The following ITGA4 variants were observed in gnomAD, a reference collection of about 807,000 sequenced individuals.
The protein encoded by ITGA4 is integrin alpha-4.
In ITGA4, 63 loss-of-function variants were observed where a neutral mutation model predicts 133.6. That is an observed-to-expected ratio of 0.47 (90% CI 0.38 to 0.58). The LOEUF (loss-of-function observed/expected upper bound fraction) is 0.58, where lower values mean the gene tolerates loss of function less well. Among genes scored for constraint, ITGA4 ranks in the 20% least tolerant of loss-of-function variants. The pLI is 0.00. For missense variants in ITGA4, 1,076 were observed against 1,252.7 expected, an observed-to-expected ratio of 0.86 and a Z score of 2.13; for synonymous variants, 483 against 438.0, an observed-to-expected ratio of 1.10 and a Z score of -1.28.
intron 17 of ITGA4, among the ~76,000 whole-genome samples, chr2:181,514,692 GAGTGTTT>G (rs1686572647): frequency 1.3e-5 from 2 of 152,040 alleles, no homozygotes; most frequent in Non-Finnish European, 1.5e-5. Flanking sequence ...GCAAGTAAAG[GAGTGTTT>G]TCATTTTCTT....
At chr2:181,522,860 T>G (rs151002196) in intron 18 of ITGA4, among the ~76,000 whole-genome samples, 162 of 152,320 alleles carry the variant, frequency 1.1e-3, no homozygotes, top group African/African-American at 3.0e-3. Context: ...CTTGCAAAAG[T>G]AACAGTGGAA....
intron 10 of ITGA4, 187 bp downstream of exon 10, chr2:181,486,179 A>G (rs185343500): frequency 1.8e-5 from 11 of 608,906 alleles, no homozygotes; most frequent in African/African-American, 1.4e-4. Context: ...GATCTTTACC[A>G]CTGTTAATAA....
chr2:181,465,330 T>C (rs1193789322), intron 2 of ITGA4, among the ~76,000 whole-genome samples: 1 of 152,176 alleles, frequency 6.6e-6, no homozygotes. Context: ...GCCAGGATAA[T>C]ATGATACATT....
At chr2:181,517,138 GAT>G (rs1686622680) in intron 17 of ITGA4, among the ~76,000 whole-genome samples, 1 of 151,978 alleles carries the variant, frequency 6.6e-6, no homozygotes, top group Admixed American at 6.6e-5. Context: ...AGGAAAAAAA[GAT>G]AAAAATTGTA....
chr2:181,522,536 C>A (rs761438798), intron 18 of ITGA4, among the ~76,000 whole-genome samples, 195 bp downstream of exon 18: 1 of 152,152 alleles, frequency 6.6e-6, no homozygotes, highest in South Asian at 2.1e-4. Flanking sequence ...GCATCAGCCT[C>A]CTGTTTTCCA....
chr2:181,493,296 AT>A, intron 10 of ITGA4, 28 bp from the exon 11 acceptor site: 4 of 1,485,780 alleles, frequency 2.7e-6, no homozygotes, highest in Non-Finnish European at 3.7e-6. Context: ...TCAAGAATTT[AT>A]TTTTCCATTG....
At chr2:181,497,172 C>T (rs1485933848) in intron 14 of ITGA4, among the ~76,000 whole-genome samples, 1 of 152,226 alleles carries the variant, frequency 6.6e-6, no homozygotes, top group Admixed American at 6.5e-5. Context: ...GAAAGACACA[C>T]ATTGAGTAGA....
Position 181,509,773 on chromosome 2 carries a change from A to G in ITGA4, c.1811A>G (p.Gln604Arg), listed in dbSNP as rs1365040272. The change falls in exon 16 of 28, where the codon CAG (glutamine) becomes CGG (arginine). Residue 604 changes from glutamine to arginine, a missense_variant. Around this residue, in one of 4 missense-constraint regions of ITGA4, gnomAD observed 365 missense variants for 421.4 expected, o/e 0.87. Transcript: ENST00000397033. ...TTCCCACCACTTCAGCCAATTCTTC[A>G]GCAGAAGAAAGAAAAAGACATAATG... is the stretch of plus-strand genomic sequence containing the variant. The part of the protein sequence containing the change: ...EEFPPLQPIL[Q>R]QKKEKDIMKK... The G allele has an allele frequency of 1.2e-6, 2 of 1,610,248 alleles. No homozygotes were observed. Among genetic ancestry groups the G allele is most frequent in the East Asian group, 2.2e-5 (1 of 44,746 alleles).
intron 10 of ITGA4, among the ~76,000 whole-genome samples, chr2:181,490,063 G>C (rs775878036): frequency 6.6e-6 from 1 of 152,114 alleles, no homozygotes; most frequent in Non-Finnish European, 1.5e-5. Context: ...TGCATGCACC[G>C]GTAATTAGAT....
At chr2:181,534,012 C>A (rs896259045) in intron 25 of ITGA4, among the ~76,000 whole-genome samples, 16 of 152,072 alleles carry the variant, frequency 1.1e-4, no homozygotes, top group African/African-American at 3.6e-4. Flanking sequence ...GGTAACTTAC[C>A]TCTTTCTGTA....
intron 1 of ITGA4, 135 bp downstream of exon 1, chr2:181,457,986 CT>C: frequency 8.8e-7 from 1 of 1,130,860 alleles, no homozygotes; most frequent in South Asian, 1.6e-5. Flanking sequence ...AGCCAGCTCG[CT>C]GGAAATCTGC....
intron 4 of ITGA4, among the ~76,000 whole-genome samples, chr2:181,476,890 T>A (rs2105728471): frequency 6.6e-6 from 1 of 152,284 alleles, no homozygotes; most frequent in African/African-American, 2.4e-5. Context: ...TACCACATGT[T>A]CTCACTTATA....
intron 17 of ITGA4, among the ~76,000 whole-genome samples, chr2:181,517,444 G>A (rs1401240492): frequency 6.6e-6 from 1 of 152,036 alleles, no homozygotes. Flanking sequence ...CACTTATTAA[G>A]TTATGATTCT....
At chr2:181,496,743 C>A (rs879437390) in intron 14 of ITGA4, among the ~76,000 whole-genome samples, 1 of 152,084 alleles carries the variant, frequency 6.6e-6, no homozygotes, top group Non-Finnish European at 1.5e-5. Flanking sequence ...GTGAAATGAG[C>A]CTGTGGTAGG....
intron 14 of ITGA4, among the ~76,000 whole-genome samples, chr2:181,496,989 C>T (rs1686170335): frequency 6.6e-6 from 1 of 152,154 alleles, no homozygotes; most frequent in Admixed American, 6.5e-5. Context: ...AGCCTGGCAT[C>T]TCTACTTTAG....
chr2:181,477,285 G>A (rs1325782444), intron 4 of ITGA4, among the ~76,000 whole-genome samples: 1 of 151,936 alleles, frequency 6.6e-6, no homozygotes, highest in African/African-American at 2.4e-5. Context: ...TAAGAGAAAA[G>A]CTACTTGACA....
At chr2:181,497,063 G>A (rs998431627) in intron 14 of ITGA4, among the ~76,000 whole-genome samples, 7 of 152,136 alleles carry the variant, frequency 4.6e-5, no homozygotes, top group African/African-American at 1.7e-4. Flanking sequence ...ATAAGAGGGT[G>A]GACAAGCCTT....
At chr2:181,475,726 A>C in intron 4 of ITGA4, 3 of 1,464,872 alleles carry the variant, frequency 2.0e-6, no homozygotes, top group Non-Finnish European at 2.8e-6. Flanking sequence ...CGCACTCACT[A>C]TCTCTTTTTC....
intron 16 of ITGA4, 47 bp from the exon 17 acceptor site, chr2:181,511,652 A>G (rs1311474088): frequency 1.0e-6 from 1 of 967,450 alleles, no homozygotes; most frequent in Non-Finnish European, 1.7e-6. Flanking sequence ...ATATAAATAT[A>G]CTTGCTGATT....
Sources: allele counts gnomAD v4.1 joint callset (sites outside exome capture counted in the v4.1 genomes callset), GRCh38; gene constraint gnomAD v4.1.1; regional missense constraint gnomAD v4.1.1; transcripts MANE v1.5; gene names NCBI Gene and HGNC (gene_info 2026-07-23, HGNC 2026-07-21).